Variants in SLC39A11 observed in about 807,000 individuals in gnomAD.
SLC39A11 encodes solute carrier family 39 member 11, also known as zinc transporter ZIP11.
A neutral mutation model predicts 36.1 loss-of-function variants in SLC39A11; 33 were observed. That is an observed-to-expected ratio of 0.91 (90% CI 0.69 to 1.22). The LOEUF (loss-of-function observed/expected upper bound fraction) is 1.22. Ranked by LOEUF, SLC39A11 falls within the 50% of genes most tolerant of loss-of-function variation. SLC39A11 has a pLI of 0.00. For missense variants in SLC39A11, 432 were observed against 430.3 expected (o/e 1.00, Z -0.03); for synonymous variants, 166 against 170.3 (o/e 0.97, Z 0.20).
intron 6 of SLC39A11, among the ~76,000 whole-genome samples, chr17:72,800,765 T>A (rs897079066): frequency 2.6e-5 from 4 of 152,090 alleles, no homozygotes; most frequent in African/African-American, 9.7e-5. Flanking sequence ...AAGCAGGGTG[T>A]TCGCAAATAG....
chr17:73,057,609 T>C (rs2059708010), intron 3 of SLC39A11, among the ~76,000 whole-genome samples: 1 of 152,240 alleles, frequency 6.6e-6, no homozygotes, highest in Non-Finnish European at 1.5e-5. Flanking sequence ...CTGTTCATAA[T>C]GGGTTTCCAC....
intron 5 of SLC39A11, among the ~76,000 whole-genome samples, chr17:72,904,858 A>C (rs80355033): frequency 0.013 from 1,957 of 152,322 alleles, 54 homozygotes; most frequent in African/African-American, 0.042. Flanking sequence ...CAGTCCCATC[A>C]GCAGGGATTT....
intron 1 of SLC39A11, among the ~76,000 whole-genome samples, chr17:73,089,272 T>C (rs2060846466): frequency 6.6e-6 from 1 of 151,958 alleles, no homozygotes; most frequent in Admixed American, 6.6e-5. Flanking sequence ...AGCCAAAGGG[T>C]AAACTCCACC....
chr17:72,929,271 G>T (rs1007273099), intron 5 of SLC39A11, among the ~76,000 whole-genome samples: 2 of 152,138 alleles, frequency 1.3e-5, no homozygotes, highest in Admixed American at 1.3e-4. Context: ...ACACATTGAC[G>T]GGGGGTACTA....
At chr17:72,868,602 T>G (rs2080429109) in intron 5 of SLC39A11, among the ~76,000 whole-genome samples, 1 of 109,440 alleles carries the variant, frequency 9.1e-6, no homozygotes, top group Admixed American at 1.5e-4. Flanking sequence ...GGCAATATAG[T>G]GAGCCCCTGT....
chr17:73,084,886 A>G (rs1182757681), intron 2 of SLC39A11, 40 bp from the exon 3 acceptor site: 28 of 1,606,070 alleles, frequency 1.7e-5, no homozygotes, highest in Non-Finnish European at 2.2e-5. Flanking sequence ...CCAAGAGACA[A>G]TAAGATGATG....
chr17:72,865,411 G>GAAA (rs34706790), intron 5 of SLC39A11, among the ~76,000 whole-genome samples: 5 of 113,242 alleles, frequency 4.4e-5, no homozygotes, highest in African/African-American at 1.3e-4. Flanking sequence ...AAAACTGCTC[G>GAAA]AAAAAAAAAA....
rs535037524 is a variant in SLC39A11 at position 72,953,222 on chromosome 17, G to T, written c.307-5347C>A. Among the ~76,000 whole-genome samples the T allele has an allele frequency of 4.6e-5, 7 of 152,124 alleles. No individual in the cohort carries two copies. The South Asian group carries it at 1.3e-3, about 27-fold the overall frequency. On this transcript the variant is annotated intron_variant, in intron 4 of 9. Coordinates refer to ENST00000255559, the MANE Select transcript of SLC39A11 (RefSeq NM_139177.4). ...TATCATAATGATTCTTCTTCTTGGT[G>T]GGGGGCCAATCCCTGGCTCGGAATA...
chr17:72,861,688 T>TATATATATATATATATAA (rs1169877556), intron 5 of SLC39A11, among the ~76,000 whole-genome samples: 7 of 88,782 alleles, frequency 7.9e-5, no homozygotes, highest in South Asian at 7.2e-4. Context: ...TATATATATA[T>TATATATATATATATATAA]AAAATATATA....
At chr17:72,692,486 C>T (rs1358183455) in intron 7 of SLC39A11, among the ~76,000 whole-genome samples, 1 of 152,126 alleles carries the variant, frequency 6.6e-6, no homozygotes, top group African/African-American at 2.4e-5. Flanking sequence ...AGGCAAAAGG[C>T]ACTTCTTACA....
intron 6 of SLC39A11, among the ~76,000 whole-genome samples, chr17:72,754,654 C>G (rs376680171): frequency 1.3e-5 from 2 of 152,158 alleles, no homozygotes; most frequent in African/African-American, 4.8e-5. Context: ...AGCAGAAACA[C>G]CAGGGGTGCC....
intron 7 of SLC39A11, among the ~76,000 whole-genome samples, chr17:72,669,697 C>T (rs1384579631): frequency 6.6e-6 from 1 of 151,944 alleles, no homozygotes; most frequent in Non-Finnish European, 1.5e-5. Context: ...AGGGAGATAC[C>T]AATATGCCAA....
chr17:73,018,399 T>C (rs1382350354), intron 4 of SLC39A11, among the ~76,000 whole-genome samples: 1 of 151,882 alleles, frequency 6.6e-6, no homozygotes, highest in Non-Finnish European at 1.5e-5. Context: ...ACTACAAAAA[T>C]TATCCACACG....
At chr17:72,654,029 A>C (rs1229595295) in intron 7 of SLC39A11, among the ~76,000 whole-genome samples, 1 of 152,174 alleles carries the variant, frequency 6.6e-6, no homozygotes, top group East Asian at 1.9e-4. Context: ...TGTGTTTAAA[A>C]TGTGCGTGTG....
intron 6 of SLC39A11, among the ~76,000 whole-genome samples, chr17:72,753,933 A>G (rs1165917132): frequency 6.8e-6 from 1 of 147,938 alleles, no homozygotes; most frequent in African/African-American, 2.5e-5. Flanking sequence ...CGTTCATAGC[A>G]GCACAATTCA....
At chr17:72,713,883 T>C (rs1451286968) in intron 7 of SLC39A11, among the ~76,000 whole-genome samples, 1 of 152,202 alleles carries the variant, frequency 6.6e-6, no homozygotes, top group Non-Finnish European at 1.5e-5. Flanking sequence ...GAGCCATTCA[T>C]AGGCCCATTA....
At chr17:72,796,394 G>C (rs534937657) in intron 6 of SLC39A11, among the ~76,000 whole-genome samples, 1 of 152,098 alleles carries the variant, frequency 6.6e-6, no homozygotes, top group Non-Finnish European at 1.5e-5. Flanking sequence ...ATATGCATGA[G>C]AAGGAGGGCT....
chr17:72,944,358 T>G (rs1217230372), intron 5 of SLC39A11, among the ~76,000 whole-genome samples: 1 of 152,176 alleles, frequency 6.6e-6, no homozygotes, highest in African/African-American at 2.4e-5. Context: ...CTGATTCACT[T>G]TTAACTACCT....
chr17:72,766,025 G>A lies in SLC39A11; in HGVS notation c.602-29306C>T, dbSNP rs543162048. Among the ~76,000 whole-genome samples the A allele has an allele frequency of 2.3e-4, 35 of 152,328 alleles. 1 individual carries two copies. In the East Asian group the frequency reaches 6.6e-3, roughly 29 times the overall value. On this transcript the variant is annotated intron_variant, in intron 6 of 9. Coordinates refer to ENST00000255559, the MANE Select transcript of SLC39A11 (RefSeq NM_139177.4). Reference sequence around the variant, plus strand: ...CCTGTTGGCAAAAGTGGCCGCAAGAGCTTATGGTGGAACGTGGGATGTGAA... The same window carrying A: ...CCTGTTGGCAAAAGTGGCCGCAAGAACTTATGGTGGAACGTGGGATGTGAA...
Sources: allele counts gnomAD v4.1 joint callset (sites outside exome capture counted in the v4.1 genomes callset), GRCh38; gene constraint gnomAD v4.1.1; transcripts MANE v1.5; gene names NCBI Gene and HGNC (gene_info 2026-07-23, HGNC 2026-07-21).